The following OSBPL10 variants were observed in gnomAD, a reference collection of about 807,000 sequenced individuals.
OSBPL10 encodes oxysterol binding protein like 10.
Under a neutral mutation model 81.7 loss-of-function variants are expected in OSBPL10, and 49 were observed. That is an observed-to-expected ratio of 0.60 (90% CI 0.48 to 0.76). The LOEUF (loss-of-function observed/expected upper bound fraction) is 0.76. OSBPL10 is among the 30% of genes least tolerant of loss of function. The pLI is 0.00. For synonymous variants in OSBPL10, 419 were observed against 383.6 expected, an observed-to-expected ratio of 1.09 and a Z score of -1.08; for missense variants, 923 against 987.8, an observed-to-expected ratio of 0.93 and a Z score of 0.88.
intron 7 of OSBPL10, among the ~76,000 whole-genome samples, 191 bp downstream of exon 7, chr3:31,702,168 G>T (rs2125592326): frequency 6.6e-6 from 1 of 152,292 alleles, no homozygotes; most frequent in African/African-American, 2.4e-5. Flanking sequence ...CAGCCCTGAG[G>T]ATAACCATTT....
chr3:32,011,941 T>C (rs185000229), intron 2 of OSBPL10, among the ~76,000 whole-genome samples: 6 of 152,292 alleles, frequency 3.9e-5, no homozygotes, highest in African/African-American at 7.2e-5. Context: ...TATGGGACTA[T>C]GTGAAAAGAC....
intron 1 of OSBPL10, among the ~76,000 whole-genome samples, chr3:32,067,049 A>C (rs971107642): frequency 6.6e-6 from 1 of 152,176 alleles, no homozygotes; most frequent in African/African-American, 2.4e-5. Flanking sequence ...GATGTTAACC[A>C]AACTGTTTTT....
intron 3 of OSBPL10, among the ~76,000 whole-genome samples, chr3:31,852,278 T>A (rs1700787972): frequency 6.6e-6 from 1 of 152,102 alleles, no homozygotes; most frequent in Non-Finnish European, 1.5e-5. Context: ...TTCAGCAAAG[T>A]CTGTCAACCG....
At chr3:31,847,211 T>G (rs5027703) in intron 3 of OSBPL10, among the ~76,000 whole-genome samples, 1 of 148,660 alleles carries the variant, frequency 6.7e-6, no homozygotes, top group Admixed American at 6.7e-5. Context: ...TTTTTTTTTT[T>G]AAAAAGACAG....
At chr3:31,981,439 G>C (rs564390503), upstream of OSBPL10, 2 of 468,788 alleles carry the variant, frequency 4.3e-6, no homozygotes, top group Non-Finnish European at 6.8e-6. This position sits in a 1 kb window ranked among gnomAD's most constrained non-coding sequence, Gnocchi z 4.5. Flanking sequence ...CTAGTTTCCC[G>C]GGCAAGTTCG....
intron 9 of OSBPL10, 86 bp from the exon 10 acceptor site, chr3:31,668,910 T>G: frequency 1.6e-6 from 2 of 1,267,090 alleles, no homozygotes; most frequent in Non-Finnish European, 2.1e-6. Flanking sequence ...AGAGATTTTT[T>G]TTTTTAATCA....
intron 4 of OSBPL10, among the ~76,000 whole-genome samples, chr3:31,796,945 G>C (rs1699235404): frequency 6.6e-6 from 1 of 151,504 alleles, no homozygotes; most frequent in African/African-American, 2.4e-5. Context: ...TCCTTCAAGA[G>C]AGACTGATGA....
intron 1 of OSBPL10, among the ~76,000 whole-genome samples, chr3:31,924,826 A>T (rs1187001975): frequency 6.6e-6 from 1 of 150,810 alleles, no homozygotes; most frequent in Non-Finnish European, 1.5e-5. Context: ...ATAAAACTTT[A>T]TTTACAAAAA....
intron 1 of OSBPL10, among the ~76,000 whole-genome samples, chr3:31,902,969 G>A (rs931844653): frequency 7.2e-5 from 11 of 152,206 alleles, no homozygotes; most frequent in African/African-American, 2.7e-4. Context: ...AAAGCATGGA[G>A]AAAGACAGAG....
At chr3:31,806,905 A>G (rs908997885) in intron 4 of OSBPL10, among the ~76,000 whole-genome samples, 4 of 151,870 alleles carry the variant, frequency 2.6e-5, no homozygotes, top group African/African-American at 9.7e-5. Context: ...CAGCCTGGGG[A>G]ACTAGAACCC....
intron 2 of OSBPL10, among the ~76,000 whole-genome samples, chr3:32,019,411 T>C (rs1699342430): frequency 6.6e-6 from 1 of 152,230 alleles, no homozygotes; most frequent in Non-Finnish European, 1.5e-5. Context: ...GTAATGATGA[T>C]TCAAGAAGAA....
In OSBPL10 at chr3:31,661,847, T is replaced by C; in HGVS notation, c.*225A>G. ...TTTACATAGTGCATGTGTGTGAACG[T>C]ATACGGTGTGTACACACACGTGCCC... is the stretch of plus-strand genomic sequence containing the variant. On this transcript the variant is annotated 3_prime_UTR_variant, in exon 12 of 12. Transcript: ENST00000396556. 1.9e-6 allele frequency: 1 copy of C among 528,482 alleles called. No homozygotes were observed. The highest frequency in any genetic ancestry group is 3.3e-6 in the Non-Finnish European group (1 of 306,676). The allele number at this position is 528,482 out of a possible 1,614,324, so 32.7% of individuals were successfully genotyped here. A position where few individuals can be genotyped will look rare whatever the true frequency, so the allele number is the denominator to read the frequency against.
At position 31,858,766 on chromosome 3, in the gene OSBPL10, T is replaced by A. The variant is rs577651932; in HGVS notation, c.537+17667A>T. ...TGTGAACAAGGCCAGCCTGGCTGAGTCTGGATTATACTGGAGCTTTCTGAT... is the reference window on the plus strand; with the variant it reads ...TGTGAACAAGGCCAGCCTGGCTGAGACTGGATTATACTGGAGCTTTCTGAT... On this transcript the variant is annotated intron_variant, in intron 3 of 11. Coordinates refer to ENST00000396556, the MANE Select transcript of OSBPL10 (RefSeq NM_017784.5). Among the ~76,000 whole-genome samples, 3 of 152,196 alleles carry A rather than the reference T, an allele frequency of 2.0e-5. No individual in the cohort carries two copies. In the South Asian group the frequency reaches 6.2e-4, roughly 32 times the overall value.
intron 1 of OSBPL10, among the ~76,000 whole-genome samples, chr3:32,070,036 G>C (rs1699816040): frequency 6.6e-6 from 1 of 152,182 alleles, no homozygotes; most frequent in South Asian, 2.1e-4. Flanking sequence ...TTCCCTGGCT[G>C]ACTCCTTCCC....
intron 1 of OSBPL10, among the ~76,000 whole-genome samples, chr3:31,971,880 A>G (rs1382895230): frequency 6.6e-6 from 1 of 152,232 alleles, no homozygotes; most frequent in Non-Finnish European, 1.5e-5. Context: ...GGCCCTTTAC[A>G]GAAAAGTCTG....
intron 2 of OSBPL10, chr3:32,030,520 G>T (rs1214782928): frequency 5.5e-6 from 4 of 733,918 alleles, no homozygotes; most frequent in Non-Finnish European, 1.0e-5. Flanking sequence ...CCTAAAATGC[G>T]TGAAGGAAAA....
chr3:31,869,933 T>G (rs1701276685), intron 3 of OSBPL10, among the ~76,000 whole-genome samples: 1 of 152,260 alleles, frequency 6.6e-6, no homozygotes. Flanking sequence ...CTTACTGAAT[T>G]CCTATTGAGA....
intron 1 of OSBPL10, among the ~76,000 whole-genome samples, chr3:31,900,940 AGT>A (rs1696217691): frequency 6.6e-6 from 1 of 152,260 alleles, no homozygotes; most frequent in Non-Finnish European, 1.5e-5. Context: ...AATTTATTAA[AGT>A]GTTAATGAAA....
At chr3:31,773,051 TAAAC>T (rs1364348714) in intron 4 of OSBPL10, among the ~76,000 whole-genome samples, 1 of 152,032 alleles carries the variant, frequency 6.6e-6, no homozygotes, top group Non-Finnish European at 1.5e-5. Flanking sequence ...CACTATGCTT[TAAAC>T]AAACAAACTG....
Sources: allele counts gnomAD v4.1 joint callset (sites outside exome capture counted in the v4.1 genomes callset), GRCh38; gene constraint gnomAD v4.1.1; non-coding constraint Gnocchi (gnomAD v3.1); transcripts MANE v1.5; gene names NCBI Gene and HGNC (gene_info 2026-07-23, HGNC 2026-07-21).